ABCC6: variants seen among roughly 807,000 people sequenced by gnomAD.
The protein encoded by ABCC6 is ATP-binding cassette sub-family C member 6.
In ABCC6, 126 loss-of-function variants were observed where a neutral mutation model predicts 169.5. The observed-to-expected ratio is 0.74, with a 90% CI of 0.64 to 0.86. The LOEUF is 0.86. ABCC6 is among the 40% of genes least tolerant of loss of function. The pLI, the probability that ABCC6 is intolerant of heterozygous loss-of-function variation, is 0.00. For synonymous variants in ABCC6, 752 were observed against 814.7 expected, an observed-to-expected ratio of 0.92 and a Z score of 1.31; for missense variants, 1,733 against 1,927.2, an observed-to-expected ratio of 0.90 and a Z score of 1.89.
intron 27 of ABCC6, among the ~76,000 whole-genome samples, chr16:16,155,988 T>G (rs570846859): frequency 2.6e-5 from 4 of 152,318 alleles, no homozygotes; most frequent in Non-Finnish European, 5.9e-5. Flanking sequence ...CGATCTCAGC[T>G]CACTGCAACC....
At position 16,214,425 on chromosome 16, in the gene ABCC6, G is replaced by A. The variant is rs1263140942; in HGVS notation, c.499C>T (p.His167Tyr). 1.9e-6 allele frequency: 3 copies of A among 1,551,460 alleles called. No homozygotes were observed. The highest frequency in any genetic ancestry group is 1.2e-5 in the South Asian group (1 of 84,042). Residue 167 changes from histidine (H) to tyrosine (Y), a missense_variant, in exon 5 of 31, where the codon CAC becomes TAC. Transcript: ENST00000205557. ...GACAGGCATAGGTAGGTGGACAGGT[G>A]GCGGACAGGGTCGCTCTGGAAGCCC... is the stretch of plus-strand genomic sequence containing the variant. ...GAGFQSDPVRHLSTYLCLSLV... is the reference protein window; with the variant it reads ...GAGFQSDPVRYLSTYLCLSLV...
chr16:16,165,434 G>A (rs1489502907), intron 23 of ABCC6, among the ~76,000 whole-genome samples, 189 bp downstream of exon 23: 7 of 152,068 alleles, frequency 4.6e-5, no homozygotes, highest in Non-Finnish European at 8.8e-5. Context: ...GAACTTTGAT[G>A]TGAACATTTA....
rs1409004278 is a variant in ABCC6, at chr16:16,190,142, A to G, written c.1635+22T>C. ...CACTCCTTCCCCAGTGCTGCTCAGC[A>G]TAGAGACTAGAGTGACGTCACCAGA... On this transcript the variant is annotated intron_variant, in intron 12 of 30. Coordinates refer to ENST00000205557, the MANE Select transcript of ABCC6 (RefSeq NM_001171.6). 7 of 1,611,086 alleles carry G rather than the reference A, an allele frequency of 4.3e-6. No homozygotes were observed. In the South Asian group the frequency reaches 5.5e-5, roughly 13 times the overall value.
intron 15 of ABCC6, 138 bp downstream of exon 15, chr16:16,184,819 GCA>G: frequency 1.1e-6 from 1 of 891,692 alleles, no homozygotes; most frequent in Non-Finnish European, 1.9e-6. Context: ...AACCTCCCCG[GCA>G]GAGCCCCAGC....
At chr16:16,200,961 T>C (rs926167819) in intron 9 of ABCC6, among the ~76,000 whole-genome samples, 22 of 152,024 alleles carry the variant, frequency 1.4e-4, no homozygotes, top group Admixed American at 1.2e-3. Context: ...TTTGGGTTTT[T>C]TTGTTTTGTT....
intron 9 of ABCC6, among the ~76,000 whole-genome samples, chr16:16,198,708 A>G (rs1272567651): frequency 6.6e-6 from 1 of 150,818 alleles, no homozygotes; most frequent in African/African-American, 2.4e-5. Context: ...AAAATTAGCC[A>G]GGGGGCCGGG....
chr16:16,222,594 G>T (rs572848501), intron 1 of ABCC6, among the ~76,000 whole-genome samples: 5 of 151,798 alleles, frequency 3.3e-5, no homozygotes, highest in African/African-American at 1.2e-4. Flanking sequence ...TCTCTATGCT[G>T]GTCTCGAACT....
At chr16:16,217,938 A>C (rs2048940696) in intron 4 of ABCC6, among the ~76,000 whole-genome samples, 1 of 152,096 alleles carries the variant, frequency 6.6e-6, no homozygotes, top group Admixed American at 6.5e-5. Flanking sequence ...AAAAATACAA[A>C]AATTAGCTGG....
intron 13 of ABCC6, among the ~76,000 whole-genome samples, chr16:16,187,983 G>A (rs2047708225): frequency 6.6e-6 from 1 of 151,842 alleles, no homozygotes; most frequent in South Asian, 2.1e-4. Flanking sequence ...TGTAATCCTA[G>A]CACTTTGGGA....
chr16:16,154,672 G>C lies in ABCC6; in HGVS notation c.4164C>G (p.Pro1388=), dbSNP rs373736094. The C allele has an allele frequency of 5.0e-6, 8 of 1,613,108 alleles. No homozygotes were observed. The highest frequency in any genetic ancestry group is 6.8e-6 in the Non-Finnish European group (8 of 1,179,982). Residue 1388 remains proline, a synonymous_variant, in exon 29 of 31, where the codon CCC becomes CCG. Coordinates refer to ENST00000205557, the MANE Select transcript of ABCC6 (RefSeq NM_001171.6). ...VQLKALVASL[P]GQLQYKCADR... ...CAGCACACTTGTACTGCAGCTGGCC[G>C]GGCAGGCTGGCCACCAAGGCTTTGA...
At chr16:16,158,928 C>T (rs147555925) in intron 26 of ABCC6, among the ~76,000 whole-genome samples, 1 of 151,896 alleles carries the variant, frequency 6.6e-6, no homozygotes, top group African/African-American at 2.4e-5. Context: ...TGCTATGTTG[C>T]TGTTTTGTTT....
In ABCC6 at chr16:16,222,794, G is replaced by C. The variant is rs1452449056; in HGVS notation, c.36+605C>G. Among the ~76,000 whole-genome samples, 9 of 151,966 alleles carry C rather than the reference G, an allele frequency of 5.9e-5. No individual in the cohort carries two copies. The South Asian group carries it at 1.9e-3, about 32-fold the overall frequency. ...TCTCCGCTGTCTTTTTACTCCTCCT[G>C]GTTTCACAACTCACCGGCTGTGCAA... is the stretch of plus-strand genomic sequence containing the variant. On this transcript the variant is annotated intron_variant, in intron 1 of 30. Transcript: ENST00000205557.
intron 4 of ABCC6, among the ~76,000 whole-genome samples, chr16:16,216,049 A>G (rs2048860818): frequency 6.6e-6 from 1 of 152,112 alleles, no homozygotes; most frequent in South Asian, 2.1e-4. Flanking sequence ...CCTCCTGAGT[A>G]TCTGAGATTA....
At chr16:16,174,672 G>A (rs1256991340) in intron 20 of ABCC6, among the ~76,000 whole-genome samples, 4 of 146,364 alleles carry the variant, frequency 2.7e-5, no homozygotes, top group Non-Finnish European at 4.5e-5. Context: ...CATGAGAATC[G>A]CTTGAACCTG....
At chr16:16,187,764 C>T (rs1165913121) in intron 13 of ABCC6, among the ~76,000 whole-genome samples, 2 of 151,952 alleles carry the variant, frequency 1.3e-5, no homozygotes, top group East Asian at 1.9e-4. Context: ...ATGTGGTGGC[C>T]CATGCCTGTA....
At chr16:16,183,969 G>A (rs1467459814) in intron 15 of ABCC6, among the ~76,000 whole-genome samples, 1 of 152,006 alleles carries the variant, frequency 6.6e-6, no homozygotes, top group Non-Finnish European at 1.5e-5. Flanking sequence ...GGGAACTGAG[G>A]CAGGTGGATC....
chr16:16,161,607 T>C, intron 24 of ABCC6, 43 bp from the exon 25 acceptor site: 1 of 1,613,008 alleles, frequency 6.2e-7, no homozygotes, highest in Non-Finnish European at 8.5e-7. Flanking sequence ...TACTCTCATC[T>C]GCAGGGAGAT....
rs72664212 is a variant in ABCC6 at position 16,159,586 on chromosome 16, G to T, written c.3634-3C>A. 1.6e-5 allele frequency: 26 copies of T among 1,613,916 alleles called. 1 individual carries two copies. Among genetic ancestry groups the T allele is most frequent in the Admixed American group, 5.0e-5 (3 of 60,000 alleles). On this transcript the variant is annotated splice_polypyrimidine_tract_variant and splice_region_variant and intron_variant, in intron 25 of 30. Coordinates refer to ENST00000205557, the MANE Select transcript of ABCC6 (RefSeq NM_001171.6). Reference sequence around the variant, plus strand: ...ACCCACTGCAGTGTCTGGGTCACCTGGTGCAAGAAAGCCTCTCTGGCTGGG... The same window carrying T: ...ACCCACTGCAGTGTCTGGGTCACCTTGTGCAAGAAAGCCTCTCTGGCTGGG...
chr16:16,214,491 A>G, intron 4 of ABCC6, 42 bp from the exon 5 acceptor site: 1 of 1,551,540 alleles, frequency 6.4e-7, no homozygotes, highest in South Asian at 1.2e-5. Flanking sequence ...GAGACAGAGG[A>G]GGGTGCTCAG....
Sources: gnomAD v4.1 joint callset for allele counts (sites outside exome capture counted in the v4.1 genomes callset) on GRCh38, gnomAD v4.1.1 for gene constraint, MANE v1.5 for transcripts, NCBI Gene and HGNC (gene_info 2026-07-23, HGNC 2026-07-21) for gene names.